The following DLC1 variants were observed in gnomAD, a reference collection of about 807,000 sequenced individuals.
DLC1 encodes the protein DLC1 Rho GTPase activating protein.
Under a neutral mutation model 140.3 loss-of-function variants are expected in DLC1, and 54 were observed. That is an observed-to-expected ratio of 0.38 (90% confidence interval 0.31 to 0.48). The LOEUF (loss-of-function observed/expected upper bound fraction) is 0.48, where lower values mean the gene tolerates loss of function less well. Ranked by LOEUF, DLC1 falls within the 20% of genes least tolerant of loss-of-function variation. The pLI is 0.96. For synonymous variants in DLC1, 986 were observed against 728.1 expected (o/e 1.35, Z -5.70); for missense variants, 2,536 against 1,907.0 (o/e 1.33, Z -6.14).
chr8:13,467,602 G>A (rs745431529), intron 2 of DLC1, among the ~76,000 whole-genome samples: 43 of 152,058 alleles, frequency 2.8e-4, no homozygotes, highest in Non-Finnish European at 2.8e-4. Flanking sequence ...GTGATGGTAC[G>A]TGCCTATGGT....
chr8:13,530,635 G>A (rs1803063972), intron 1 of DLC1, among the ~76,000 whole-genome samples: 2 of 152,104 alleles, frequency 1.3e-5, no homozygotes, highest in Admixed American at 1.3e-4. Flanking sequence ...AACAGAACCT[G>A]GCAGGTTGTC....
At chr8:13,103,311 AAAATAAATAAATAAATAAATAAAT>A (rs59262199) in intron 7 of DLC1, among the ~76,000 whole-genome samples, 4 of 143,060 alleles carry the variant, frequency 2.8e-5, no homozygotes, top group South Asian at 2.3e-4. Flanking sequence ...ACTCCTTCTC[AAAATAAATAAATAAATAAATAAAT>A]AAATAAATAA....
At chr8:13,268,831 C>G (rs1830796012) in intron 5 of DLC1, among the ~76,000 whole-genome samples, 2 of 149,424 alleles carry the variant, frequency 1.3e-5, no homozygotes, top group African/African-American at 2.5e-5. Context: ...GTTTCTCAAC[C>G]TTTGTACTCA....
At chr8:13,489,539 A>C (rs183110610) in intron 2 of DLC1, among the ~76,000 whole-genome samples, 1 of 151,444 alleles carries the variant, frequency 6.6e-6, no homozygotes, top group East Asian at 1.9e-4. Flanking sequence ...ATATTAACTC[A>C]TTTAATATTT....
intron 3 of DLC1, among the ~76,000 whole-genome samples, chr8:13,400,438 A>G (rs981781534): frequency 1.3e-5 from 2 of 152,230 alleles, no homozygotes; most frequent in Non-Finnish European, 2.9e-5. Flanking sequence ...ATTTGAACTC[A>G]GACCTTTACA....
chr8:13,297,282 T>TAAAAAAAAAAAAAA (rs60048506), intron 5 of DLC1, among the ~76,000 whole-genome samples: 1,392 of 9,624 alleles, frequency 0.14, 525 homozygotes, highest in Non-Finnish European at 0.18. Flanking sequence ...CTTCATACAT[T>TAAAAAAAAAAAAAA]AAAAAAAAAA....
chr8:13,431,699 T>C lies in DLC1; in HGVS notation c.1024-30080A>G, dbSNP rs78285410. The stretch of plus-strand genomic sequence containing the variant: ...AAGAAAAAAAAATCATGTGTAATTG[T>C]GGTCAGGGGGATACGGACTGATGGG... On this transcript the variant is annotated intron_variant, in intron 2 of 17. Transcript: ENST00000276297. Among the ~76,000 whole-genome samples, 879 of 151,630 alleles carry C rather than the reference T, an allele frequency of 5.8e-3. 12 individuals carry two copies. Among genetic ancestry groups the C allele is most frequent in the African/African-American group, 0.02 (842 of 41,272 alleles).
intron 5 of DLC1, among the ~76,000 whole-genome samples, chr8:13,245,619 T>G (rs1563194630): frequency 6.6e-6 from 1 of 152,218 alleles, no homozygotes; most frequent in South Asian, 2.1e-4. Flanking sequence ...GAAATCCACG[T>G]TAAGATACTG....
At chr8:13,532,519 C>G (rs550982879) in intron 1 of DLC1, among the ~76,000 whole-genome samples, 5 of 152,234 alleles carry the variant, frequency 3.3e-5, no homozygotes, top group African/African-American at 1.2e-4. Flanking sequence ...GCTTAACTCA[C>G]TTGTCAGAGT....
chr8:13,402,721 A>G (rs1837353249), intron 2 of DLC1, among the ~76,000 whole-genome samples: 3 of 152,166 alleles, frequency 2.0e-5, no homozygotes, highest in Admixed American at 2.0e-4. Flanking sequence ...CACTTTGGTG[A>G]TGGTTCGTTG....
chr8:13,179,179 C>G (rs1262699853), intron 5 of DLC1, among the ~76,000 whole-genome samples: 1 of 151,476 alleles, frequency 6.6e-6, no homozygotes. Flanking sequence ...AAATAGTGTG[C>G]ACTGTATGAC....
At chr8:13,122,450 T>C (rs1585692634) in intron 5 of DLC1, among the ~76,000 whole-genome samples, 1 of 152,092 alleles carries the variant, frequency 6.6e-6, no homozygotes, top group African/African-American at 2.4e-5. Flanking sequence ...AGACAACTTT[T>C]TGCACAAAGG....
chr8:13,178,892 G>A (rs577525652), intron 5 of DLC1, among the ~76,000 whole-genome samples: 1 of 152,200 alleles, frequency 6.6e-6, no homozygotes, highest in East Asian at 1.9e-4. Context: ...ACTGTGATAT[G>A]GCAATTCTAC....
At chr8:13,252,622 G>A (rs1458402938) in intron 5 of DLC1, among the ~76,000 whole-genome samples, 4 of 152,180 alleles carry the variant, frequency 2.6e-5, no homozygotes, top group Non-Finnish European at 4.4e-5. Context: ...ATCTAGAAGG[G>A]ACTGTTTAGA....
Position 13,170,923 on chromosome 8 carries a change from T to G in DLC1, c.1349-55266A>C, listed in dbSNP as rs1024996603. ...CTAAAGGTCTAACCTTGCATGATCTTGCTCAAAAGTATTGAAATCCTCAAG... is the reference window on the plus strand; with the variant it reads ...CTAAAGGTCTAACCTTGCATGATCTGGCTCAAAAGTATTGAAATCCTCAAG... On this transcript the variant is annotated intron_variant, in intron 5 of 17. Transcript: ENST00000276297. Among the ~76,000 whole-genome samples the G allele has an allele frequency of 3.3e-5, 5 of 152,260 alleles. No individual in the cohort carries two copies. The East Asian group carries it at 7.7e-4, about 24-fold the overall frequency.
At chr8:13,349,187 T>G (rs1486762812) in intron 4 of DLC1, among the ~76,000 whole-genome samples, 1 of 152,032 alleles carries the variant, frequency 6.6e-6, no homozygotes, top group East Asian at 1.9e-4. Context: ...GGGGGAAATA[T>G]CAGTGCAATA....
At chr8:13,192,937 C>T (rs1012027833) in intron 5 of DLC1, among the ~76,000 whole-genome samples, 1 of 152,172 alleles carries the variant, frequency 6.6e-6, no homozygotes, top group Non-Finnish European at 1.5e-5. Context: ...TTGTTTGAGC[C>T]ACCCAGTTTG....
At chr8:13,127,079 C>T (rs897162051) in intron 5 of DLC1, among the ~76,000 whole-genome samples, 17 of 152,198 alleles carry the variant, frequency 1.1e-4, no homozygotes, top group African/African-American at 3.1e-4. Flanking sequence ...TTCAACTAGA[C>T]GTTCTCAGTT....
At chr8:13,241,165 C>A (rs1412335122) in intron 5 of DLC1, among the ~76,000 whole-genome samples, 1 of 152,272 alleles carries the variant, frequency 6.6e-6, no homozygotes, top group Middle Eastern at 3.4e-3. Flanking sequence ...GCTTTGGAGG[C>A]CAAACTGTGG....
Sources: allele counts gnomAD v4.1 joint callset (sites outside exome capture counted in the v4.1 genomes callset), GRCh38; gene constraint gnomAD v4.1.1; transcripts MANE v1.5; gene names NCBI Gene and HGNC (gene_info 2026-07-23, HGNC 2026-07-21).